TMEM170A: variants seen among roughly 807,000 people sequenced by gnomAD.
TMEM170A encodes the protein transmembrane protein 170.
TMEM170A carries 18 observed loss-of-function variants against 12.8 expected under a neutral mutation model. That is an observed-to-expected ratio of 1.41 (90% CI 0.97 to 2.09). The LOEUF (loss-of-function observed/expected upper bound fraction) is 2.09, where lower values mean the gene tolerates loss of function less well. Among genes scored for constraint, TMEM170A ranks in the 30% most tolerant of loss-of-function variants. TMEM170A has a pLI of 0.00. For synonymous variants in TMEM170A, 107 were observed against 76.2 expected, an observed-to-expected ratio of 1.40 and a Z score of -2.11; for missense variants, 220 against 179.9, an observed-to-expected ratio of 1.22 and a Z score of -1.28.
At chr16:75,453,645 C>T (rs569540347) in intron 1 of TMEM170A, among the ~76,000 whole-genome samples, 7 of 152,262 alleles carry the variant, frequency 4.6e-5, no homozygotes, top group Admixed American at 4.6e-4. Context: ...AAGCCATCAC[C>T]TCCTATTAGG....
intron 1 of TMEM170A, among the ~76,000 whole-genome samples, chr16:75,456,500 GA>G (rs1281229068): frequency 6.6e-6 from 1 of 152,070 alleles, no homozygotes; most frequent in Non-Finnish European, 1.5e-5. Context: ...CTCCACCAAT[GA>G]AAAAAGTCAG....
rs1003387246 is a variant in TMEM170A, at chr16:75,444,156, G to C, written c.*3402C>G. On this transcript the variant is annotated 3_prime_UTR_variant, in exon 3 of 3. Transcript: ENST00000561878. The stretch of plus-strand genomic sequence containing the variant: ...AGGAGGCTGCCTCCCTCCCTCTCTT[G>C]CATTTCTTTTTTTTTAAAAAACAAA... 3 of 151,652 alleles carry C rather than the reference G, an allele frequency of 2.0e-5. No homozygotes were observed. The highest frequency in any genetic ancestry group is 4.8e-5 in the African/African-American group (2 of 41,276). The allele number at this position is 151,652 out of a possible 1,614,324, so 9.4% of individuals were successfully genotyped here.
chr16:75,454,605 A>G (rs2079752064), intron 1 of TMEM170A, among the ~76,000 whole-genome samples: 1 of 152,180 alleles, frequency 6.6e-6, no homozygotes, highest in South Asian at 2.1e-4. Context: ...ACTGCACTCC[A>G]GCCTGGGAGA....
At chr16:75,456,547 G>A (rs1429568953) in intron 1 of TMEM170A, among the ~76,000 whole-genome samples, 1 of 152,182 alleles carries the variant, frequency 6.6e-6, no homozygotes, top group African/African-American at 2.4e-5. Flanking sequence ...ATTGAGGGCA[G>A]GATTCTTGGT....
intron 1 of TMEM170A, among the ~76,000 whole-genome samples, chr16:75,462,869 T>C (rs2079931745): frequency 6.6e-6 from 1 of 152,202 alleles, no homozygotes; most frequent in Admixed American, 6.5e-5. Context: ...ATGTTCAGTT[T>C]CTTGGATGTG....
rs191012508 is a variant in TMEM170A, at chr16:75,453,154, C to T, written c.134-1315G>A. ...ACCTAAATAATGTCCCCGACCATAA[C>T]TGGGCACGGCAGCTCACGACTGTAA... On this transcript the variant is annotated intron_variant, in intron 1 of 2. Coordinates refer to ENST00000561878, the MANE Select transcript of TMEM170A (RefSeq NM_145254.3). Among the ~76,000 whole-genome samples, 4 of 152,190 alleles carry T rather than the reference C, an allele frequency of 2.6e-5. No individual in the cohort carries two copies. In the East Asian group the frequency reaches 7.7e-4, roughly 29 times the overall value.
chr16:75,464,715 CA>C, upstream of TMEM170A: 1 of 1,383,826 alleles, frequency 7.2e-7, no homozygotes, highest in Admixed American at 3.3e-5. Flanking sequence ...CCTCTTCCCC[CA>C]ATCCCAACGG....
At chr16:75,454,297 GGGCTTTACCAAAGCACAGA>G (rs1246195712) in intron 1 of TMEM170A, among the ~76,000 whole-genome samples, 4 of 152,092 alleles carry the variant, frequency 2.6e-5, no homozygotes, top group Non-Finnish European at 1.5e-5. Flanking sequence ...TAAAAACCAC[GGGCTTTACCAAAGCACAGA>G]GGCTTTATAA....
At chr16:75,454,163 T>A (rs1225068549) in intron 1 of TMEM170A, among the ~76,000 whole-genome samples, 1 of 134,060 alleles carries the variant, frequency 7.5e-6, no homozygotes, top group African/African-American at 2.5e-5. Flanking sequence ...TTGTGGGGGC[T>A]GCACTGTGCA....
chr16:75,456,045 C>T (rs981977377), intron 1 of TMEM170A, among the ~76,000 whole-genome samples: 4 of 152,136 alleles, frequency 2.6e-5, no homozygotes, highest in African/African-American at 9.7e-5. Context: ...TTTACACAGG[C>T]TTCTTAATCT....
At chr16:75,460,556 G>A (rs545086214) in intron 1 of TMEM170A, among the ~76,000 whole-genome samples, 1 of 152,228 alleles carries the variant, frequency 6.6e-6, no homozygotes, top group Admixed American at 6.5e-5. Context: ...ACTTTCTTCA[G>A]ATTTTGACTC....
At chr16:75,448,062 G>T (rs931724469) in intron 2 of TMEM170A, among the ~76,000 whole-genome samples, 1 of 152,134 alleles carries the variant, frequency 6.6e-6, no homozygotes, top group Non-Finnish European at 1.5e-5. Context: ...CCTTCAACAG[G>T]GACCTAATAC....
Position 75,446,576 on chromosome 16 carries a change from A to G in TMEM170A, c.*982T>C, listed in dbSNP as rs2079590168. The G allele has an allele frequency of 6.6e-6, 1 of 152,214 alleles. No homozygotes were observed. The highest frequency in any genetic ancestry group is 2.4e-5 in the African/African-American group (1 of 41,470). The allele number at this position is 152,214 out of a possible 1,614,324, so 9.4% of individuals were successfully genotyped here. ...GTGGGCTGAAGAGTTACCACTAGGTAAACACATTAAGCTAAAAAATCAATA... is the reference window on the plus strand; with the variant it reads ...GTGGGCTGAAGAGTTACCACTAGGTGAACACATTAAGCTAAAAAATCAATA... On this transcript the variant is annotated 3_prime_UTR_variant, in exon 3 of 3. Transcript: ENST00000561878.
chr16:75,449,652 A>G (rs1229272640), intron 2 of TMEM170A, among the ~76,000 whole-genome samples: 1 of 152,156 alleles, frequency 6.6e-6, no homozygotes, highest in Non-Finnish European at 1.5e-5. Context: ...GTATATTAAC[A>G]TATTTTAACA....
intron 1 of TMEM170A, among the ~76,000 whole-genome samples, chr16:75,460,602 T>C (rs564871786): frequency 1.2e-4 from 19 of 152,278 alleles, no homozygotes; most frequent in Admixed American, 1.1e-3. Flanking sequence ...CCCATCACTT[T>C]ACAGCAAACA....
chr16:75,452,891 C>T (rs1248047808), intron 1 of TMEM170A, among the ~76,000 whole-genome samples: 1 of 152,204 alleles, frequency 6.6e-6, no homozygotes, highest in Non-Finnish European at 1.5e-5. Flanking sequence ...TATACATACA[C>T]ACTTATCTGA....
intron 1 of TMEM170A, among the ~76,000 whole-genome samples, chr16:75,460,531 G>A (rs1201266763): frequency 6.6e-6 from 1 of 152,162 alleles, no homozygotes; most frequent in African/African-American, 2.4e-5. Context: ...CCAAGTAGCT[G>A]TTGGCTCATT....
intron 1 of TMEM170A, among the ~76,000 whole-genome samples, chr16:75,454,237 A>G (rs1373761527): frequency 7.5e-6 from 1 of 134,028 alleles, no homozygotes; most frequent in African/African-American, 2.5e-5. Flanking sequence ...TCAACCAAAA[A>G]TATTTCCAGA....
intron 1 of TMEM170A, among the ~76,000 whole-genome samples, chr16:75,463,710 C>T (rs999168111): frequency 6.6e-6 from 1 of 152,244 alleles, no homozygotes; most frequent in African/African-American, 2.4e-5. Flanking sequence ...CCCCTCAAAG[C>T]TTTTCTCCTC....
Sources: allele counts gnomAD v4.1 joint callset (sites outside exome capture counted in the v4.1 genomes callset), GRCh38; gene constraint gnomAD v4.1.1; transcripts MANE v1.5; gene names NCBI Gene and HGNC (gene_info 2026-07-23, HGNC 2026-07-21).